Variants in DOCK4 observed in about 807,000 individuals in gnomAD.
DOCK4 encodes dedicator of cytokinesis protein 4.
In DOCK4, 97 loss-of-function variants were observed where a neutral mutation model predicts 268.1. The observed-to-expected ratio is 0.36, with a 90% CI of 0.31 to 0.43. The LOEUF is 0.43. Among genes scored for constraint, DOCK4 ranks in the 20% least tolerant of loss-of-function variants. DOCK4 has a pLI of 1.00. For missense variants in DOCK4, 2,145 were observed against 2,455.7 expected (o/e 0.87, Z 2.67); for synonymous variants, 954 against 887.2 (o/e 1.08, Z -1.34).
At chr7:111,962,445 G>C (rs901566600) in intron 8 of DOCK4, among the ~76,000 whole-genome samples, 7 of 152,154 alleles carry the variant, frequency 4.6e-5, no homozygotes, top group African/African-American at 1.7e-4. Flanking sequence ...ACAGCCTTGA[G>C]AGACATGAAT....
chr7:112,064,788 A>T (rs1451037687), intron 1 of DOCK4, among the ~76,000 whole-genome samples: 1 of 152,214 alleles, frequency 6.6e-6, no homozygotes, highest in East Asian at 1.9e-4. Flanking sequence ...TGAGGGCATT[A>T]AGGTGGGCCA....
At chr7:112,039,647 TCTC>T (rs1804183219) in intron 1 of DOCK4, among the ~76,000 whole-genome samples, 1 of 152,022 alleles carries the variant, frequency 6.6e-6, no homozygotes, top group African/African-American at 2.4e-5. Flanking sequence ...GTCGCAGACA[TCTC>T]CTGTTTGGAC....
chr7:111,782,328 C>T (rs970066405), intron 35 of DOCK4, among the ~76,000 whole-genome samples: 4 of 152,030 alleles, frequency 2.6e-5, no homozygotes, highest in Non-Finnish European at 5.9e-5. Context: ...ACAAAGCAAA[C>T]CTTAACAAAA....
At chr7:111,747,029 T>C (rs1257187018) in intron 43 of DOCK4, among the ~76,000 whole-genome samples, 1 of 152,110 alleles carries the variant, frequency 6.6e-6, no homozygotes, top group Non-Finnish European at 1.5e-5. Flanking sequence ...CTTTTATTCA[T>C]GCAAGAATGA....
At chr7:112,014,069 C>T (rs777170478) in intron 1 of DOCK4, among the ~76,000 whole-genome samples, 3 of 152,176 alleles carry the variant, frequency 2.0e-5, no homozygotes, top group Non-Finnish European at 4.4e-5. Flanking sequence ...TTAATGGTTA[C>T]TCTCCATGTG....
At chr7:112,090,551 ACT>A (rs1164873689) in intron 1 of DOCK4, among the ~76,000 whole-genome samples, 1 of 152,128 alleles carries the variant, frequency 6.6e-6, no homozygotes, top group Non-Finnish European at 1.5e-5. Context: ...AAAACAGGAG[ACT>A]CTATGATCTT....
At chr7:111,983,844 A>ATGCGCGCGCGCGTGCGCG (rs1554402959) in intron 7 of DOCK4, among the ~76,000 whole-genome samples, 2 of 138,940 alleles carry the variant, frequency 1.4e-5, no homozygotes, top group Admixed American at 7.0e-5. Context: ...GTACACACAC[A>ATGCGCGCGCGCGTGCGCG]CGCGCGCGCG....
chr7:111,989,265 T>C, intron 5 of DOCK4, 102 bp from the exon 6 acceptor site: 2 of 1,479,962 alleles, frequency 1.4e-6, no homozygotes, highest in Non-Finnish European at 1.8e-6. Flanking sequence ...TTACCCACTA[T>C]GTGCTTGCCA....
Position 111,900,526 on chromosome 7 carries a change from G to A in DOCK4, c.1328C>T (p.Ser443Phe). 1 of 1,610,576 alleles carries A rather than the reference G, an allele frequency of 6.2e-7. No individual in the cohort carries two copies. The change falls in exon 15 of 53, where the codon TCC (serine) becomes TTC (phenylalanine). Residue 443 changes from serine to phenylalanine, a missense_variant. This residue lies in a region of DOCK4 where 1,598 missense variants were observed against 1,986.7 expected (regional missense o/e 0.80). Coordinates refer to ENST00000428084, the MANE Select transcript of DOCK4 (RefSeq NM_001363540.2). Reference protein sequence around the residue: ...SSGQTLKDFISFGSGEPPASE... With the variant: ...SSGQTLKDFIFFGSGEPPASE... ...GGCTGGTGGCTCCCCAGAGCCGAAG[G>A]AGATAAAATCCTAACAAAGGGAAGA...
intron 1 of DOCK4, among the ~76,000 whole-genome samples, chr7:112,080,544 G>C (rs944502900): frequency 6.6e-6 from 1 of 152,104 alleles, no homozygotes; most frequent in Admixed American, 6.5e-5. Context: ...ACGTCATTTA[G>C]TCATGTCTCA....
intron 13 of DOCK4, among the ~76,000 whole-genome samples, chr7:111,910,099 A>C (rs1159943708): frequency 6.6e-6 from 1 of 152,358 alleles, no homozygotes; most frequent in Non-Finnish European, 1.5e-5. Flanking sequence ...GATATGTGGG[A>C]ACAAGTCTCT....
At chr7:112,025,255 T>C (rs1483965423) in intron 1 of DOCK4, among the ~76,000 whole-genome samples, 1 of 152,198 alleles carries the variant, frequency 6.6e-6, no homozygotes, top group Non-Finnish European at 1.5e-5. Flanking sequence ...CTCATTCTCA[T>C]TGAGTTCTCT....
intron 1 of DOCK4, among the ~76,000 whole-genome samples, chr7:112,171,209 A>T (rs971646616): frequency 2.6e-5 from 4 of 152,346 alleles, no homozygotes; most frequent in Admixed American, 6.5e-5. Flanking sequence ...TGAATGGCTC[A>T]CTTCTGATAT....
At chr7:112,081,519 T>C (rs78632802) in intron 1 of DOCK4, among the ~76,000 whole-genome samples, 15,128 of 152,092 alleles carry the variant, frequency 0.099, 2,279 homozygotes, top group African/African-American at 0.33. Context: ...AACAAGAACA[T>C]GAAGAACCAC....
At chr7:112,050,520 T>C (rs1240297902) in intron 1 of DOCK4, among the ~76,000 whole-genome samples, 5 of 152,266 alleles carry the variant, frequency 3.3e-5, no homozygotes, top group African/African-American at 1.2e-4. Context: ...GTCTTCCACA[T>C]TGGTAAACAA....
chr7:111,976,274 TA>T (rs1798195546), intron 8 of DOCK4, among the ~76,000 whole-genome samples: 3 of 2,446 alleles, frequency 1.2e-3, no homozygotes, highest in Admixed American at 3.5e-3. Context: ...GTCTATTATA[TA>T]TATATATATA....
chr7:111,755,197 C>T (rs982224592), intron 42 of DOCK4, among the ~76,000 whole-genome samples: 2 of 152,174 alleles, frequency 1.3e-5, no homozygotes, highest in Admixed American at 6.5e-5. Flanking sequence ...GTATGATACA[C>T]TAAGCACTGA....
chr7:112,064,678 GC>G (rs56869842), intron 1 of DOCK4, among the ~76,000 whole-genome samples: 2 of 151,872 alleles, frequency 1.3e-5, no homozygotes, highest in African/African-American at 2.4e-5. Context: ...GCTGAACTGT[GC>G]CCCCCCTTCA....
chr7:111,733,573 G>GTTGA (rs1326456281), intron 51 of DOCK4, among the ~76,000 whole-genome samples: 1 of 152,194 alleles, frequency 6.6e-6, no homozygotes, highest in Admixed American at 6.5e-5. Flanking sequence ...GTGGTAGAAA[G>GTTGA]TTGATTGTTC....
Sources: gnomAD v4.1 joint callset for allele counts (sites outside exome capture counted in the v4.1 genomes callset) on GRCh38, gnomAD v4.1.1 for gene constraint, gnomAD v4.1.1 regional missense constraint, MANE v1.5 for transcripts, NCBI Gene and HGNC (gene_info 2026-07-23, HGNC 2026-07-21) for gene names.